Variants in HECTD2 observed in about 807,000 individuals in gnomAD.
The protein encoded by HECTD2 is HECT domain E3 ubiquitin protein ligase 2.
In HECTD2, 35 loss-of-function variants were observed where a neutral mutation model predicts 103.2. The ratio of observed to expected loss-of-function variants is 0.34; its 90% CI spans 0.26 to 0.45. The LOEUF (loss-of-function observed/expected upper bound fraction) is 0.45. Among genes scored for constraint, HECTD2 ranks in the 20% least tolerant of loss-of-function variants. The pLI, the probability that HECTD2 is intolerant of heterozygous loss-of-function variation, is 1.00. For missense variants in HECTD2, 596 were observed against 937.4 expected (o/e 0.64, Z 4.76); for synonymous variants, 281 against 329.9 (o/e 0.85, Z 1.61).
At chr10:91,430,935 G>T (rs1182697509) in intron 2 of HECTD2, among the ~76,000 whole-genome samples, 1 of 150,854 alleles carries the variant, frequency 6.6e-6, no homozygotes, top group African/African-American at 2.5e-5. Context: ...ATGTTAGCTG[G>T]TTATTTTGCT....
At chr10:91,482,796 A>G (rs932926204) in intron 7 of HECTD2, among the ~76,000 whole-genome samples, 171 bp from the exon 8 acceptor site, 1 of 151,980 alleles carries the variant, frequency 6.6e-6, no homozygotes, top group African/African-American at 2.4e-5. Context: ...TTTTCACTGT[A>G]TAGCCGCAGT....
At chr10:91,510,604 T>C (rs1847384219) in intron 20 of HECTD2, among the ~76,000 whole-genome samples, 1 of 152,210 alleles carries the variant, frequency 6.6e-6, no homozygotes, top group Non-Finnish European at 1.5e-5. Context: ...AACAAATGTT[T>C]TAAATAACTC....
At chr10:91,505,700 A>G (rs888872892) in intron 20 of HECTD2, among the ~76,000 whole-genome samples, 2 of 151,544 alleles carry the variant, frequency 1.3e-5, no homozygotes, top group Non-Finnish European at 2.9e-5. Flanking sequence ...CACTGTCAAC[A>G]TTAGACAGAT....
intron 2 of HECTD2, among the ~76,000 whole-genome samples, chr10:91,452,801 T>C (rs1442558678): frequency 6.6e-6 from 1 of 152,096 alleles, no homozygotes; most frequent in Non-Finnish European, 1.5e-5. Flanking sequence ...ACTAAATTTT[T>C]CAAATGCTAA....
intron 2 of HECTD2, among the ~76,000 whole-genome samples, chr10:91,437,782 C>T (rs562647159): frequency 6.6e-5 from 10 of 151,558 alleles, no homozygotes; most frequent in Admixed American, 2.0e-4. Flanking sequence ...TATTACAGGC[C>T]GTTATCTAGG....
intron 5 of HECTD2, among the ~76,000 whole-genome samples, chr10:91,472,516 G>C (rs1011771179): frequency 1.3e-5 from 2 of 152,144 alleles, no homozygotes; most frequent in African/African-American, 4.8e-5. Context: ...ACAGTAAGTA[G>C]ACAACCTGCA....
intron 20 of HECTD2, among the ~76,000 whole-genome samples, chr10:91,504,877 G>C (rs1847081405): frequency 6.6e-6 from 1 of 152,170 alleles, no homozygotes; most frequent in African/African-American, 2.4e-5. Context: ...CAGCCAGAGA[G>C]AAAGGTCGGT....
At position 91,512,978 on chromosome 10, in the gene HECTD2, A is replaced by G. The variant is rs2133400345; in HGVS notation, c.*594A>G. 1 of 152,810 alleles carries G rather than the reference A, an allele frequency of 6.5e-6. No homozygotes were observed. Among genetic ancestry groups the G allele is most frequent in the Non-Finnish European group, 1.5e-5 (1 of 68,058 alleles). 9.5% of individuals were successfully genotyped at this position (152,810 alleles called of 1,614,324 possible). A position where few individuals can be genotyped will look rare whatever the true frequency, so the allele number is the denominator to read the frequency against. On this transcript the variant is annotated 3_prime_UTR_variant, in exon 21 of 21. Transcript: ENST00000298068. Reference sequence around the variant, plus strand: ...AGAATAATGGGATTTTGATAGTGCCATTTATTGTTAAAGATTTATTTTTAC... The same window carrying G: ...AGAATAATGGGATTTTGATAGTGCCGTTTATTGTTAAAGATTTATTTTTAC...
In HECTD2 at chr10:91,499,157, T is replaced by G. The variant is rs1409753580; in HGVS notation, c.1950+7T>G. Reference sequence around the variant, plus strand: ...TGCTTCAAATGCCCTAATGGTGAGTTTATAACTTTAAATCAAGCTTTCGGT... The same window carrying G: ...TGCTTCAAATGCCCTAATGGTGAGTGTATAACTTTAAATCAAGCTTTCGGT... On this transcript the variant is annotated splice_region_variant and intron_variant, in intron 18 of 20. Coordinates refer to ENST00000298068, the MANE Select transcript of HECTD2 (RefSeq NM_182765.6). 1 of 1,554,270 alleles carries G rather than the reference T, an allele frequency of 6.4e-7. No homozygotes were observed. Among genetic ancestry groups the G allele is most frequent in the Admixed American group, 1.7e-5 (1 of 59,306 alleles).
intron 3 of HECTD2, among the ~76,000 whole-genome samples, chr10:91,460,789 G>C (rs924956259): frequency 6.6e-6 from 1 of 152,014 alleles, no homozygotes; most frequent in Non-Finnish European, 1.5e-5. Context: ...CACTAAGTAA[G>C]AGTCTGTGAG....
Position 91,423,707 on chromosome 10 carries a change from T to TC in HECTD2, c.139-1573dup, listed in dbSNP as rs141441353. On this transcript the variant is annotated intron_variant, in intron 1 of 20. Transcript: ENST00000298068. ...CTATTAATTCTAGAGACTTCTTAAT[T>TC]CTATGTGTATAGTGTCTGAAATTTA... Among the ~76,000 whole-genome samples the TC allele has an allele frequency of 3.5e-3, 527 of 152,250 alleles. 19 individuals carry two copies. The East Asian group carries it at 0.081, about 23-fold the overall frequency.
chr10:91,423,638 C>T (rs1050063256), intron 1 of HECTD2, among the ~76,000 whole-genome samples: 3 of 152,144 alleles, frequency 2.0e-5, no homozygotes, highest in African/African-American at 7.2e-5. Context: ...GACAGTTCCA[C>T]TTTCCTTTCT....
In HECTD2 at chr10:91,498,880, A is replaced by G. The variant is rs762012583; in HGVS notation, c.1764A>G (p.Gln588=). ...ATGGCATCTCCCATCAGGTTTTTCA[A>G]GAAGAATTTGGAATAATCAAGTCCT... ...EDFYSTFQVF[Q]EEFGIIKSYN... The change falls in exon 17 of 21, where the codon CAA becomes CAG. Residue 588 remains glutamine, a synonymous_variant. Coordinates refer to ENST00000298068, the MANE Select transcript of HECTD2 (RefSeq NM_182765.6). 1 of 1,588,228 alleles carries G rather than the reference A, an allele frequency of 6.3e-7. No homozygotes were observed. Among genetic ancestry groups the G allele is most frequent in the East Asian group, 2.2e-5 (1 of 44,656 alleles).
intron 2 of HECTD2, among the ~76,000 whole-genome samples, chr10:91,429,504 G>T (rs1843738660): frequency 6.6e-6 from 1 of 152,032 alleles, no homozygotes; most frequent in African/African-American, 2.4e-5. Context: ...AATCCATCTG[G>T]TCCTGGACTC....
rs1845302205 is a variant in HECTD2 at position 91,460,534 on chromosome 10, C to T, written c.376C>T (p.Pro126Ser). 6.2e-7 allele frequency: 1 copy of T among 1,612,194 alleles called. No homozygotes were observed. Among genetic ancestry groups the T allele is most frequent in the Non-Finnish European group, 8.5e-7 (1 of 1,179,146 alleles). ...CCCAGTCCTTCCAGAACCTATTCTT[C>T]CTATCCAGCCCAAAACTGTGAAAGA... Reference protein sequence around the residue: ...KAPVLPEPILPIQPKTVKDFQ... With the variant: ...KAPVLPEPILSIQPKTVKDFQ... Residue 126 changes from proline (P) to serine (S), a missense_variant, in exon 3 of 21, where the codon CCT (proline) becomes TCT (serine). Physicochemically the swap from Pro to Ser is moderately conservative, Grantham distance 74. Transcript: ENST00000298068.
At chr10:91,498,517 A>G in intron 16 of HECTD2, among the ~76,000 whole-genome samples, 1 of 152,202 alleles carries the variant, frequency 6.6e-6, no homozygotes, top group South Asian at 2.1e-4. Context: ...AATGAGTCAG[A>G]CCAAAACTCT....
chr10:91,434,215 A>AAAAGTC (rs934281410), intron 2 of HECTD2, among the ~76,000 whole-genome samples: 2 of 151,876 alleles, frequency 1.3e-5, no homozygotes, highest in Admixed American at 6.6e-5. Flanking sequence ...AAATGTTCAG[A>AAAAGTC]AAAGTCATCC....
In HECTD2 at chr10:91,501,341, T is replaced by G; in HGVS notation, c.2210+7T>G. ...ATGAAACTTCTACTAACTGGTAAAT[T>G]TCTGGATCTAATTTTATTTTAAATC... On this transcript the variant is annotated splice_region_variant and intron_variant, in intron 20 of 20. Coordinates refer to ENST00000298068, the MANE Select transcript of HECTD2 (RefSeq NM_182765.6). 1 of 1,556,746 alleles carries G rather than the reference T, an allele frequency of 6.4e-7. No individual in the cohort carries two copies. Among genetic ancestry groups the G allele is most frequent in the South Asian group, 1.2e-5 (1 of 84,790 alleles).
chr10:91,450,252 C>T (rs1844747068), intron 2 of HECTD2, among the ~76,000 whole-genome samples: 1 of 152,098 alleles, frequency 6.6e-6, no homozygotes, highest in African/African-American at 2.4e-5. Context: ...TTTGACAAAC[C>T]TGATAAAAAC....
Sources: gnomAD v4.1 joint callset for allele counts (sites outside exome capture counted in the v4.1 genomes callset) on GRCh38, gnomAD v4.1.1 for gene constraint, MANE v1.5 for transcripts, NCBI Gene and HGNC (gene_info 2026-07-23, HGNC 2026-07-21) for gene names.